RASSF4: variants seen among roughly 807,000 people sequenced by gnomAD.
RASSF4 encodes the protein ras association domain-containing protein 4.
Under a neutral mutation model 41.1 loss-of-function variants are expected in RASSF4, and 38 were observed. That is an observed-to-expected ratio of 0.92 (90% confidence interval 0.71 to 1.21). The LOEUF (loss-of-function observed/expected upper bound fraction) is 1.21. Ranked by LOEUF, RASSF4 falls within the 50% of genes most tolerant of loss-of-function variation. The pLI is 0.00. For missense variants in RASSF4, 414 were observed against 419.4 expected (o/e 0.99, Z 0.11); for synonymous variants, 179 against 163.4 (o/e 1.10, Z -0.73).
At chr10:44,984,760 T>G in intron 5 of RASSF4, 53 bp from the exon 6 acceptor site, 1 of 1,595,852 alleles carries the variant, frequency 6.3e-7, no homozygotes, top group Non-Finnish European at 8.6e-7. Context: ...CAGCAGGCAG[T>G]TGCTCTGTCA....
intron 3 of RASSF4, chr10:44,977,848 G>C: frequency 6.2e-7 from 1 of 1,609,380 alleles, no homozygotes; most frequent in Non-Finnish European, 8.5e-7. Flanking sequence ...GCCTGGGTTG[G>C]CCCTGGGCCG....
chr10:44,979,680 C>T (rs1173670328), intron 3 of RASSF4, among the ~76,000 whole-genome samples: 1 of 152,124 alleles, frequency 6.6e-6, no homozygotes, highest in Non-Finnish European at 1.5e-5. Flanking sequence ...GGTGAGGGCG[C>T]GCCGGACAGA....
At chr10:44,964,680 C>G (rs913959391) in intron 1 of RASSF4, among the ~76,000 whole-genome samples, 1 of 152,144 alleles carries the variant, frequency 6.6e-6, no homozygotes, top group Non-Finnish European at 1.5e-5. Flanking sequence ...TCTCAAAGGC[C>G]CCACCCAGTG....
At chr10:44,990,912 T>A (rs1384730393) in intron 8 of RASSF4, 36 bp from the exon 9 acceptor site, 1 of 1,602,534 alleles carries the variant, frequency 6.2e-7, no homozygotes, top group East Asian at 2.2e-5. Context: ...GTGATCCTAA[T>A]CTCCCGTGAT....
At chr10:44,966,146 C>T (rs1840895055) in intron 1 of RASSF4, among the ~76,000 whole-genome samples, 1 of 152,112 alleles carries the variant, frequency 6.6e-6, no homozygotes, top group Non-Finnish European at 1.5e-5. Context: ...GGTCAATATT[C>T]TTGTTGTACA....
chr10:44,990,133 G>A (rs1229793664), intron 8 of RASSF4, among the ~76,000 whole-genome samples: 1 of 152,212 alleles, frequency 6.6e-6, no homozygotes, highest in Non-Finnish European at 1.5e-5. Context: ...TGGGGTGCGT[G>A]TCGCAGTGCA....
At position 44,989,691 on chromosome 10, in the gene RASSF4, T is replaced by A. The variant is rs929793885; in HGVS notation, c.655T>A (p.Phe219Ile). ...GCAGGTGGAAGATGGCCCCAGTGAG[T>A]TCGCACTCTACATCGTTCACGAGTC... ...KFRVEDGPSE[F>I]ALYIVHESGE... The change falls in exon 8 of 11, where the codon TTC becomes ATC. Residue 219 changes from phenylalanine (F) to isoleucine (I), a missense_variant. Transcript: ENST00000340258. The A allele has an allele frequency of 1.2e-6, 2 of 1,613,988 alleles. No individual in the cohort carries two copies. The highest frequency in any genetic ancestry group is 1.7e-6 in the Non-Finnish European group (2 of 1,180,020).
intron 10 of RASSF4, 134 bp downstream of exon 10, chr10:44,992,136 C>A: frequency 1.6e-6 from 1 of 613,872 alleles, no homozygotes. Context: ...GCCTGCTAAC[C>A]CTAGCTCCCC....
chr10:44,988,161 A>T (rs1841987273), intron 6 of RASSF4, among the ~76,000 whole-genome samples: 1 of 152,128 alleles, frequency 6.6e-6, no homozygotes, highest in Non-Finnish European at 1.5e-5. Flanking sequence ...GGTTTTCAGG[A>T]ATCATGGAAT....
rs972088162 is a variant in RASSF4 at position 44,994,357 on chromosome 10, A to C, written c.*1028A>C. ...AACTATGCAACAGTTTACATCAGTC[A>C]TGTGAAGTATTTGTCTAAAACAGAG... On this transcript the variant is annotated 3_prime_UTR_variant, in exon 11 of 11. Transcript: ENST00000340258. The C allele has an allele frequency of 4.6e-5, 7 of 152,706 alleles. No homozygotes were observed. Among genetic ancestry groups the C allele is most frequent in the Non-Finnish European group, 7.3e-5 (5 of 68,052 alleles). 9.5% of individuals were successfully genotyped at this position (152,706 alleles called of 1,614,324 possible).
intron 1 of RASSF4, among the ~76,000 whole-genome samples, chr10:44,961,148 A>T (rs770014693): frequency 5.4e-4 from 82 of 152,214 alleles, no homozygotes; most frequent in Non-Finnish European, 1.0e-3. Flanking sequence ...GTGTATGTGA[A>T]GGCTGTTGTC....
chr10:44,970,222 C>CCAT lies in RASSF4; in HGVS notation c.20_21insCAT (p.Pro7_Ser8insMet). On this transcript the variant is annotated inframe_insertion, in exon 2 of 11. Coordinates refer to ENST00000340258, the MANE Select transcript of RASSF4 (RefSeq NM_032023.4). ...GAGAAGATGAAGGAAGACTGTCTGC[C>CCAT]GAGTTCTCACGTGCCCATCAGTGAC... is the stretch of plus-strand genomic sequence containing the variant. 3 of 1,613,966 alleles carry CCAT rather than the reference C, an allele frequency of 1.9e-6. No homozygotes were observed. Among genetic ancestry groups the CCAT allele is most frequent in the Non-Finnish European group, 2.5e-6 (3 of 1,179,854 alleles).
intron 10 of RASSF4, among the ~76,000 whole-genome samples, chr10:44,992,757 C>T (rs1325455192): frequency 6.6e-6 from 1 of 152,158 alleles, no homozygotes; most frequent in Non-Finnish European, 1.5e-5. Flanking sequence ...AAGCCACATC[C>T]TCCACAGGCT....
intron 3 of RASSF4, chr10:44,978,367 T>C: frequency 3.8e-6 from 1 of 262,210 alleles, no homozygotes; most frequent in Non-Finnish European, 7.1e-6. Context: ...CATGGGACCT[T>C]TGGCAAGGCC....
At chr10:44,986,919 T>C (rs1436177525) in intron 6 of RASSF4, among the ~76,000 whole-genome samples, 1 of 152,196 alleles carries the variant, frequency 6.6e-6, no homozygotes, top group Non-Finnish European at 1.5e-5. Context: ...GCCTGACCTA[T>C]TGGATTCAAA....
intron 3 of RASSF4, chr10:44,980,964 G>A (rs986751040): frequency 6.6e-6 from 1 of 152,066 alleles, no homozygotes; most frequent in Non-Finnish European, 1.5e-5. Flanking sequence ...CTGCTTGTTT[G>A]TTTTCCTTTT....
Position 44,991,765 on chromosome 10 carries a change from G to A in RASSF4, c.808-140G>A, listed in dbSNP as rs116729649. On this transcript the variant is annotated intron_variant, in intron 9 of 10. Coordinates refer to ENST00000340258, the MANE Select transcript of RASSF4 (RefSeq NM_032023.4). ...ATCTGTACACAACACAGCAGTGTGG[G>A]GGTGGGGTGGGAAAAGCGGCAGCTC... 1.8e-3 allele frequency: 1,103 copies of A among 622,554 alleles called. 15 individuals are homozygous for A. The African/African-American group carries it at 0.019, about 11-fold the overall frequency. The allele number at this position is 622,554 out of a possible 1,614,324, so 38.6% of individuals were successfully genotyped here. A position where few individuals can be genotyped will look rare whatever the true frequency, so the allele number is the denominator to read the frequency against.
intron 5 of RASSF4, 98 bp from the exon 6 acceptor site, chr10:44,984,715 G>A (rs1054147676): frequency 9.4e-6 from 13 of 1,379,412 alleles, no homozygotes; most frequent in East Asian, 6.9e-5. Flanking sequence ...CCCAGTGCAC[G>A]TGACCACAGG....
rs1287090250 is a variant in RASSF4, at chr10:44,984,080, G to A, written c.340G>A (p.Val114Met). Reference sequence around the variant, plus strand: ...AGCCCAGGGGCCAAGCATTCAGCCAGTGCACAAGGCTGAGAGTTCCACAGA... The same window carrying A: ...AGCCCAGGGGCCAAGCATTCAGCCAATGCACAAGGCTGAGAGTTCCACAGA... ...ITAQGPSIQP[V>M]HKAESSTDSS... Residue 114 changes from valine to methionine, a missense_variant, in exon 5 of 11, where the codon GTG (valine) becomes ATG (methionine). Transcript: ENST00000340258. The A allele has an allele frequency of 8.1e-6, 13 of 1,606,166 alleles. No individual in the cohort carries two copies. The highest frequency in any genetic ancestry group is 1.1e-5 in the Non-Finnish European group (13 of 1,176,672).
Sources: allele counts gnomAD v4.1 joint callset (sites outside exome capture counted in the v4.1 genomes callset), GRCh38; gene constraint gnomAD v4.1.1; transcripts MANE v1.5; gene names NCBI Gene and HGNC (gene_info 2026-07-23, HGNC 2026-07-21).